The following ICE2 variants were observed in gnomAD, a reference collection of about 807,000 sequenced individuals.
ICE2 encodes the protein little elongation complex subunit 2.
A neutral mutation model predicts 105.4 loss-of-function variants in ICE2; 87 were observed. The observed-to-expected ratio is 0.83, with a 90% CI of 0.69 to 0.99. The LOEUF (loss-of-function observed/expected upper bound fraction) is 0.99, where lower values mean the gene tolerates loss of function less well. Ranked by LOEUF, ICE2 falls within the 50% of genes least tolerant of loss-of-function variation. The probability of loss-of-function intolerance (pLI) is 0.00; values close to 1 mark genes in which losing one functional copy is unlikely to be tolerated. For missense variants in ICE2, 1,323 were observed against 1,146.7 expected (o/e 1.15, Z -2.22); for synonymous variants, 399 against 392.0 (o/e 1.02, Z -0.21).
Position 60,449,200 on chromosome 15 carries a change from A to G in ICE2, c.1767T>C (p.Asp589=). Residue 589 remains aspartate, a synonymous_variant, in exon 10 of 16, where the codon GAT becomes GAC. Coordinates refer to ENST00000261520, the MANE Select transcript of ICE2 (RefSeq NM_024611.6). ...TAGAACCCACAACAGCTGTCTTTCC[A>G]TCACTATTATTTTTACATTCTGTAT... ...IIDTECKNNS[D]GKTAVVGSNL... The G allele has an allele frequency of 1.2e-6, 2 of 1,614,066 alleles. No homozygotes were observed. Among genetic ancestry groups the G allele is most frequent in the Admixed American group, 1.7e-5 (1 of 60,012 alleles).
At chr15:60,459,282 G>GT (rs2064209733) in intron 5 of ICE2, among the ~76,000 whole-genome samples, 2 of 152,104 alleles carry the variant, frequency 1.3e-5, no homozygotes, top group South Asian at 4.1e-4. Flanking sequence ...TTAAAGTACA[G>GT]TAAGAAAAGA....
rs2064816244 is a variant in ICE2, at chr15:60,478,065, C to T, written c.-88G>A. The T allele has an allele frequency of 8.1e-7, 1 of 1,231,892 alleles. No homozygotes were observed. The allele number at this position is 1,231,892 out of a possible 1,614,324, so 76.3% of individuals were successfully genotyped here. A position where few individuals can be genotyped will look rare whatever the true frequency, so the allele number is the denominator to read the frequency against. ...AGAGGCAGGATCCCTCCAGAACTTA[C>T]TCAGCTGAGTAAAAACAAAAGGCCA... On this transcript the variant is annotated 5_prime_UTR_variant, in exon 2 of 16. Transcript: ENST00000261520.
intron 3 of ICE2, among the ~76,000 whole-genome samples, chr15:60,469,579 G>A (rs1458267604): frequency 6.6e-6 from 1 of 152,106 alleles, no homozygotes; most frequent in East Asian, 1.9e-4. Flanking sequence ...AGGAACTGCC[G>A]GTCCTTGGAT....
intron 10 of ICE2, 21 bp from the exon 11 acceptor site, chr15:60,448,166 ATT>A: frequency 6.6e-7 from 1 of 1,509,818 alleles, no homozygotes; most frequent in Non-Finnish European, 9.1e-7. Context: ...AGTATTTCTC[ATT>A]TTTAAAATAC....
chr15:60,448,021 G>A lies in ICE2; in HGVS notation c.2244C>T (p.Val748=). The part of the protein sequence containing the change: ...QDLLLLVRCS[V]QRIETRPRSK... ...AACGTGGTCTTGTCTCTATCCTCTG[G>A]ACACTGCAGCGTACGAGTAACAACA... Residue 748 remains valine, a synonymous_variant, in exon 11 of 16, where the codon GTC becomes GTT. Transcript: ENST00000261520. 1.2e-6 allele frequency: 2 copies of A among 1,613,674 alleles called. No individual in the cohort carries two copies. Among genetic ancestry groups the A allele is most frequent in the Non-Finnish European group, 1.7e-6 (2 of 1,179,834 alleles).
chr15:60,430,493 T>C (rs902693778), intron 14 of ICE2, among the ~76,000 whole-genome samples: 4 of 152,142 alleles, frequency 2.6e-5, no homozygotes, highest in African/African-American at 9.7e-5. Flanking sequence ...ACAAACTAAA[T>C]AAAATATTGA....
chr15:60,473,953 G>C (rs958126165), intron 3 of ICE2, among the ~76,000 whole-genome samples: 1 of 151,818 alleles, frequency 6.6e-6, no homozygotes, highest in African/African-American at 2.4e-5. Flanking sequence ...CTGATGCCCA[G>C]GCAGGAATAC....
At chr15:60,473,278 G>A (rs1468718754) in intron 3 of ICE2, among the ~76,000 whole-genome samples, 1 of 151,726 alleles carries the variant, frequency 6.6e-6, no homozygotes, top group Non-Finnish European at 1.5e-5. Context: ...GTGAGTGAGT[G>A]AGAGAGAGAG....
At chr15:60,452,528 C>G (rs760580791) in intron 9 of ICE2, 1 of 157,480 alleles carries the variant, frequency 6.4e-6, no homozygotes, top group East Asian at 1.9e-4. Context: ...TATTTAAGGT[C>G]TGAGGGAAAA....
At chr15:60,455,776 C>A (rs894988208) in intron 6 of ICE2, among the ~76,000 whole-genome samples, 2 of 152,066 alleles carry the variant, frequency 1.3e-5, no homozygotes, top group African/African-American at 4.8e-5. Flanking sequence ...TGCCAGCATG[C>A]CCAGCTAATT....
At chr15:60,434,935 G>A (rs2063549662) in intron 13 of ICE2, among the ~76,000 whole-genome samples, 1 of 152,140 alleles carries the variant, frequency 6.6e-6, no homozygotes, top group African/African-American at 2.4e-5. Flanking sequence ...TTGAGGTGAA[G>A]GATATTTCAT....
At chr15:60,477,126 G>T (rs2064783931) in intron 2 of ICE2, among the ~76,000 whole-genome samples, 1 of 152,092 alleles carries the variant, frequency 6.6e-6, no homozygotes, top group African/African-American at 2.4e-5. Flanking sequence ...ACTATATTAA[G>T]GTATTAATGG....
At chr15:60,453,143 C>G in intron 9 of ICE2, 1 of 697,684 alleles carries the variant, frequency 1.4e-6, no homozygotes, top group Non-Finnish European at 1.8e-6. Context: ...GAGGCAGGAG[C>G]ATCACTTGAA....
chr15:60,477,410 T>A (rs1159164114), intron 2 of ICE2, among the ~76,000 whole-genome samples: 1 of 152,232 alleles, frequency 6.6e-6, no homozygotes, highest in Non-Finnish European at 1.5e-5. Flanking sequence ...TTGGCTGGCT[T>A]AGTAAATGTG....
At chr15:60,456,829 T>C in intron 5 of ICE2, 35 bp from the exon 6 acceptor site, 1 of 1,375,564 alleles carries the variant, frequency 7.3e-7, no homozygotes, top group Non-Finnish European at 9.7e-7. Context: ...TTCATTTGTA[T>C]TTCTCTAATA....
In ICE2 at chr15:60,456,556, T is replaced by TAA. The variant is rs1208111781; in HGVS notation, c.666+99_666+100dup. On this transcript the variant is annotated intron_variant, in intron 6 of 15. Coordinates refer to ENST00000261520, the MANE Select transcript of ICE2 (RefSeq NM_024611.6). ...CTCTGTCTCCAAAAAAAAAAATAAA[T>TAA]AAATAAATAAATATATATATATATA... The TAA allele has an allele frequency of 7.7e-4, 65 of 83,918 alleles. 1 individual carries two copies. Among genetic ancestry groups the TAA allele is most frequent in the African/African-American group, 2.2e-3 (56 of 25,166 alleles). The allele number at this position is 83,918 out of a possible 1,614,324, so 5.2% of individuals were successfully genotyped here.
chr15:60,451,712 C>G (rs963716329), intron 9 of ICE2: 1 of 663,368 alleles, frequency 1.5e-6, no homozygotes, highest in Non-Finnish European at 1.9e-6. Flanking sequence ...TCTGGTTCAC[C>G]CTGACTCCTG....
intron 2 of ICE2, 112 bp downstream of exon 2, chr15:60,477,825 T>C (rs2064808539): frequency 1.0e-6 from 1 of 959,796 alleles, no homozygotes; most frequent in Non-Finnish European, 1.7e-6. Context: ...GACCCTAAAC[T>C]TGTATTTTCT....
intron 12 of ICE2, chr15:60,441,940 T>G (rs996679308): frequency 6.6e-6 from 1 of 152,328 alleles, no homozygotes; most frequent in East Asian, 1.9e-4. Context: ...GTTAACCAAT[T>G]AAACAGTACT....
Sources: allele counts gnomAD v4.1 joint callset (sites outside exome capture counted in the v4.1 genomes callset), GRCh38; gene constraint gnomAD v4.1.1; transcripts MANE v1.5; gene names NCBI Gene and HGNC (gene_info 2026-07-23, HGNC 2026-07-21).